DPAGT1: variants seen among roughly 807,000 people sequenced by gnomAD.
DPAGT1 encodes dolichyl-phosphate N-acetylglucosaminephosphotransferase 1.
In DPAGT1, 25 loss-of-function variants were observed where a neutral mutation model predicts 39.3. The observed-to-expected ratio is 0.64, with a 90% CI of 0.46 to 0.89. The LOEUF is 0.89. DPAGT1 is among the 40% of genes least tolerant of loss of function. The pLI is 0.00. For synonymous variants in DPAGT1, 193 were observed against 201.4 expected, an observed-to-expected ratio of 0.96 and a Z score of 0.36; for missense variants, 381 against 500.6, an observed-to-expected ratio of 0.76 and a Z score of 2.28.
rs370044741 is a variant in DPAGT1, at chr11:119,098,421, C to G, written c.710G>C (p.Gly237Ala). The G allele has an allele frequency of 6.2e-7, 1 of 1,613,914 alleles. No homozygotes were observed. The highest frequency in any genetic ancestry group is 8.5e-7 in the Non-Finnish European group (1 of 1,179,932). The stretch of plus-strand genomic sequence containing the variant: ...TACTTACCAGTTGTGGTAGAGCAAT[C>G]CCAAAGTGGTGAAAAAAAAGGGTAT... ...FMIPFFFTTL[G>A]LLYHNWYPSR... The change falls in exon 5 of 9, where the codon GGA (glycine) becomes GCA (alanine). Residue 237 changes from glycine (G) to alanine (A), a missense_variant. By Grantham distance (60) the Gly-to-Ala change is moderately conservative. Coordinates refer to ENST00000354202, the MANE Select transcript of DPAGT1 (RefSeq NM_001382.4).
downstream of DPAGT1, chr11:119,094,517 G>C (rs950392121): frequency 6.5e-6 from 1 of 153,656 alleles, no homozygotes; most frequent in African/African-American, 2.4e-5. Flanking sequence ...CGTCAGAGCG[G>C]AAGGCCAAGT....
At position 119,101,823 on chromosome 11, in the gene DPAGT1, C is replaced by T; in HGVS notation, c.-168G>A. On this transcript the variant is annotated 5_prime_UTR_variant, in exon 1 of 9. Transcript: ENST00000354202. ...CTGACTTGAGCCGCCGTCGGGACAC[C>T]GGGGAACCTCTCTAAGGCAACCTAT... 1 of 1,497,860 alleles carries T rather than the reference C, an allele frequency of 6.7e-7. No homozygotes were observed. The highest frequency in any genetic ancestry group is 8.9e-7 in the Non-Finnish European group (1 of 1,125,350). The allele number at this position is 1,497,860 out of a possible 1,614,324, so 92.8% of individuals were successfully genotyped here. A position where few individuals can be genotyped will look rare whatever the true frequency, so the allele number is the denominator to read the frequency against.
Position 119,101,761 on chromosome 11 carries a change from G to A in DPAGT1, c.-106C>T. Reference sequence around the variant, plus strand: ...TGGAGTGGCCGCTCCCCACAGGCAGGCTCTTCCCACACCAATCTGAGCAAA... The same window carrying A: ...TGGAGTGGCCGCTCCCCACAGGCAGACTCTTCCCACACCAATCTGAGCAAA... On this transcript the variant is annotated 5_prime_UTR_variant, in exon 1 of 9. Coordinates refer to ENST00000354202, the MANE Select transcript of DPAGT1 (RefSeq NM_001382.4). 5 of 1,582,242 alleles carry A rather than the reference G, an allele frequency of 3.2e-6. No homozygotes were observed. The highest frequency in any genetic ancestry group is 4.3e-6 in the Non-Finnish European group (5 of 1,165,888).
Position 119,097,139 on chromosome 11 carries a change from C to T in DPAGT1, c.1161+3G>A. 1 of 1,614,226 alleles carries T rather than the reference C, an allele frequency of 6.2e-7. No individual in the cohort carries two copies. The highest frequency in any genetic ancestry group is 8.5e-7 in the Non-Finnish European group (1 of 1,180,036). ...GAGGTATAAACTCGATTCCCATCCT[C>T]ACCTGCAGCAGCAGCAGGAGCAATG... On this transcript the variant is annotated splice_donor_region_variant and intron_variant, in intron 8 of 8. Transcript: ENST00000354202. This position sits in a 1 kb window ranked among gnomAD's most constrained non-coding sequence, Gnocchi z 4.6.
Position 119,101,150 on chromosome 11 carries a change from C to G in DPAGT1, c.162-12G>C, listed in dbSNP as rs1592229741. 1.2e-6 allele frequency: 2 copies of G among 1,613,900 alleles called. No homozygotes were observed. The highest frequency in any genetic ancestry group is 8.5e-7 in the Non-Finnish European group (1 of 1,180,020). ...CCTGGGATTCTGGGCTGTGGCCCAG[C>G]AGCAAGGGGGCGAGGGGGAAGAGGA... On this transcript the variant is annotated splice_polypyrimidine_tract_variant and intron_variant, in intron 1 of 8. Coordinates refer to ENST00000354202, the MANE Select transcript of DPAGT1 (RefSeq NM_001382.4).
downstream of DPAGT1, chr11:119,096,364 TTC>T (rs1946394058): frequency 6.3e-6 from 1 of 157,650 alleles, no homozygotes; most frequent in Admixed American, 6.1e-5. Context: ...ATTCAATATG[TTC>T]TGTTTGGTCT....
Position 119,097,896 on chromosome 11 carries a change from C to G in DPAGT1, c.876G>C (p.Gln292His), listed in dbSNP as rs1946426266. 1 of 1,614,026 alleles carries G rather than the reference C, an allele frequency of 6.2e-7. No individual in the cohort carries two copies. Among genetic ancestry groups the G allele is most frequent in the African/African-American group, 1.3e-5 (1 of 74,896 alleles). Residue 292 changes from glutamine (Q) to histidine (H), a missense_variant, in exon 6 of 9, where the codon CAG (glutamine) becomes CAC (histidine). Gln to His is a conservative substitution (Grantham distance 24, BLOSUM62 0). Coordinates refer to ENST00000354202, the MANE Select transcript of DPAGT1 (RefSeq NM_001382.4). The surrounding 1 kb of genome is among the most constrained non-coding windows in gnomAD (Gnocchi z 4.6). ...GAGGGCAGGGGATGATATGCAGGAG[C>G]TGAGGCAGTGAGTAGAGGAAGTTGA... Reference protein sequence around the residue: ...QVFNFLYSLPQLLHIIPCPRH... With the variant: ...QVFNFLYSLPHLLHIIPCPRH...
In DPAGT1 at chr11:119,096,924, TG is replaced by T; in HGVS notation, c.*73del. ...GAGAGGCCTGGGCAAGGAGGCAGTC[TG>T]GGACCAGAGAGAGAGGTCAGCCTGA... is the stretch of plus-strand genomic sequence containing the variant. On this transcript the variant is annotated 3_prime_UTR_variant, in exon 9 of 9. Coordinates refer to ENST00000354202, the MANE Select transcript of DPAGT1 (RefSeq NM_001382.4). 6.4e-7 allele frequency: 1 copy of T among 1,557,638 alleles called. No individual in the cohort carries two copies. Among genetic ancestry groups the T allele is most frequent in the Non-Finnish European group, 8.8e-7 (1 of 1,134,264 alleles).
chr11:119,094,836 G>A, downstream of DPAGT1: 1 of 1,028,978 alleles, frequency 9.7e-7, no homozygotes. Context: ...GAGGGGAAGG[G>A]AGCCGCGGCC....
intron 1 of DPAGT1, 122 bp from the exon 2 acceptor site, chr11:119,101,260 G>A (rs1946500228): frequency 6.9e-7 from 1 of 1,455,730 alleles, no homozygotes; most frequent in South Asian, 1.2e-5. Context: ...CTGGTAAGTG[G>A]TGAGGGGGGC....
Position 119,099,179 on chromosome 11 carries a change from C to T in DPAGT1, c.644-692G>A, listed in dbSNP as rs575929924. On this transcript the variant is annotated intron_variant, in intron 4 of 8. Transcript: ENST00000354202. ...GTGACTCACGCCTGTAATCCCAGCA[C>T]TTTGGGAGGCTGAAGCAGGCAGATC... is the stretch of plus-strand genomic sequence containing the variant. Among the ~76,000 whole-genome samples, 3 of 152,244 alleles carry T rather than the reference C, an allele frequency of 2.0e-5. No homozygotes were observed. The South Asian group carries it at 6.2e-4, about 32-fold the overall frequency.
At chr11:119,101,187 G>A (rs778904733) in intron 1 of DPAGT1, 49 bp from the exon 2 acceptor site, 5 of 1,612,124 alleles carry the variant, frequency 3.1e-6, no homozygotes, top group Non-Finnish European at 4.2e-6. Flanking sequence ...AGGGGGCGTG[G>A]TCACTCACTA....
downstream of DPAGT1, among the ~76,000 whole-genome samples, chr11:119,096,064 C>T (rs916221899): frequency 3.9e-5 from 6 of 152,118 alleles, no homozygotes; most frequent in Admixed American, 2.0e-4. Flanking sequence ...CTCCTGGGTT[C>T]AAGGAATCCT....
In DPAGT1 at chr11:119,097,392, G is replaced by A; in HGVS notation, c.1005+72C>T. On this transcript the variant is annotated intron_variant, in intron 7 of 8. Transcript: ENST00000354202. This position sits in a 1 kb window ranked among gnomAD's most constrained non-coding sequence, Gnocchi z 4.6. ...CTTTCAAGTTCCCCTTGGATCTGAT[G>A]TAGGACTAGGTTCCCCATTCCTCAA... 1 of 1,610,628 alleles carries A rather than the reference G, an allele frequency of 6.2e-7. No homozygotes were observed. The highest frequency in any genetic ancestry group is 8.5e-7 in the Non-Finnish European group (1 of 1,176,824).
intron 1 of DPAGT1, 28 bp downstream of exon 1, chr11:119,101,467 C>T: frequency 1.2e-6 from 2 of 1,613,948 alleles, no homozygotes; most frequent in Non-Finnish European, 1.7e-6. Flanking sequence ...CCCTTGCCCC[C>T]TGCCCGGACC....
downstream of DPAGT1, chr11:119,095,546 T>A: frequency 1.3e-6 from 1 of 798,072 alleles, no homozygotes; most frequent in East Asian, 3.0e-5. Context: ...TTTTCTCCAA[T>A]ACCCGCCTCC....
At chr11:119,095,051 A>G, downstream of DPAGT1, 1 of 1,613,734 alleles carries the variant, frequency 6.2e-7, no homozygotes, top group Non-Finnish European at 8.5e-7. Context: ...GGGCAGCAGC[A>G]CGGCCTGGAT....
downstream of DPAGT1, chr11:119,095,546 T>G: frequency 2.5e-5 from 20 of 798,056 alleles, no homozygotes; most frequent in Non-Finnish European, 3.1e-5. Context: ...TTTTCTCCAA[T>G]ACCCGCCTCC....
Position 119,097,323 on chromosome 11 carries a change from C to A in DPAGT1, c.1006-26G>T, listed in dbSNP as rs574176195. 96 of 1,614,108 alleles carry A rather than the reference C, an allele frequency of 5.9e-5. 1 individual carries two copies. The South Asian group carries it at 9.9e-4, about 17-fold the overall frequency. On this transcript the variant is annotated intron_variant, in intron 7 of 8. Coordinates refer to ENST00000354202, the MANE Select transcript of DPAGT1 (RefSeq NM_001382.4). The surrounding 1 kb of genome is among the most constrained non-coding windows in gnomAD (Gnocchi z 4.6). ...CTGGAGGGACCAGAGGTGAAGAGAA[C>A]CTCAGCTAATACCTATGCTTTAGGA... is the stretch of plus-strand genomic sequence containing the variant.
Sources: gnomAD v4.1 joint callset for allele counts (sites outside exome capture counted in the v4.1 genomes callset) on GRCh38, gnomAD v4.1.1 for gene constraint, Gnocchi (gnomAD v3.1) non-coding constraint, MANE v1.5 for transcripts, NCBI Gene and HGNC (gene_info 2026-07-23, HGNC 2026-07-21) for gene names.